ANKS1A: variants seen among roughly 807,000 people sequenced by gnomAD.
ANKS1A encodes ankyrin repeat and SAM domain-containing protein 1A.
ANKS1A carries 55 observed loss-of-function variants against 120.3 expected under a neutral mutation model. The observed-to-expected ratio is 0.46, with a 90% CI of 0.37 to 0.57. The LOEUF (loss-of-function observed/expected upper bound fraction) is 0.57. ANKS1A is among the 20% of genes least tolerant of loss of function. ANKS1A has a pLI of 0.00. For synonymous variants in ANKS1A, 590 were observed against 604.7 expected (o/e 0.98, Z 0.36); for missense variants, 1,123 against 1,480.3 (o/e 0.76, Z 3.96).
intron 8 of ANKS1A, 143 bp from the exon 9 acceptor site, chr6:34,989,081 C>T (rs1772372512): frequency 8.0e-6 from 5 of 625,796 alleles, no homozygotes; most frequent in Non-Finnish European, 1.4e-5. Flanking sequence ...TCCATCTGTT[C>T]AGAGACGAAA....
At chr6:34,988,652 T>C (rs1156376280) in intron 8 of ANKS1A, among the ~76,000 whole-genome samples, 2 of 152,306 alleles carry the variant, frequency 1.3e-5, no homozygotes, top group South Asian at 2.1e-4. Context: ...ATAATACTTA[T>C]TATTGAAGGA....
chr6:35,000,197 A>G (rs994529715), intron 10 of ANKS1A, among the ~76,000 whole-genome samples: 6 of 151,344 alleles, frequency 4.0e-5, no homozygotes, highest in Non-Finnish European at 4.4e-5. Context: ...TAACCCAGTA[A>G]CCCGCAGATG....
At chr6:34,936,656 C>T (rs1056032816) in intron 1 of ANKS1A, among the ~76,000 whole-genome samples, 2 of 152,158 alleles carry the variant, frequency 1.3e-5, no homozygotes, top group African/African-American at 4.8e-5. Flanking sequence ...CTAATTCCTA[C>T]AAGAAGGCTC....
rs573962919 is a variant in ANKS1A at position 35,025,285 on chromosome 6, C to T, written c.2010+7226C>T. On this transcript the variant is annotated intron_variant, in intron 11 of 23. Coordinates refer to ENST00000360359, the MANE Select transcript of ANKS1A (RefSeq NM_015245.3). Reference sequence around the variant, plus strand: ...ACACACACACACGCATATATGTATGCGATGTGTGTGTGTGTGTGTATTTAT... The same window carrying T: ...ACACACACACACGCATATATGTATGTGATGTGTGTGTGTGTGTGTATTTAT... Among the ~76,000 whole-genome samples the T allele has an allele frequency of 9.3e-5, 14 of 150,228 alleles. No individual in the cohort carries two copies. In the East Asian group the frequency reaches 2.8e-3, roughly 30 times the overall value.
rs141031798 is a variant in ANKS1A, at chr6:34,903,959, G to C, written c.197+14360G>C. Among the ~76,000 whole-genome samples, 90 of 152,262 alleles carry C rather than the reference G, an allele frequency of 5.9e-4. No homozygotes were observed. The East Asian group carries it at 0.016, about 27-fold the overall frequency. On this transcript the variant is annotated intron_variant, in intron 1 of 23. Coordinates refer to ENST00000360359, the MANE Select transcript of ANKS1A (RefSeq NM_015245.3). ...TCTGCCTTGGCCTCCCAAGGTGCTGGGATTACAGCACTGGCTGAAGAACAT... is the reference window on the plus strand; with the variant it reads ...TCTGCCTTGGCCTCCCAAGGTGCTGCGATTACAGCACTGGCTGAAGAACAT...
intron 1 of ANKS1A, among the ~76,000 whole-genome samples, chr6:34,960,467 G>C (rs983400707): frequency 6.6e-6 from 1 of 152,154 alleles, no homozygotes. Context: ...GAGTACATGC[G>C]TGAGTAGCTC....
intron 9 of ANKS1A, among the ~76,000 whole-genome samples, chr6:34,991,439 C>T (rs1581606893): frequency 1.3e-5 from 2 of 151,674 alleles, no homozygotes; most frequent in African/African-American, 2.4e-5. Flanking sequence ...CTCCCACACC[C>T]CAACTGGACA....
chr6:35,022,251 CT>C (rs1228144855), intron 11 of ANKS1A, among the ~76,000 whole-genome samples: 1 of 152,210 alleles, frequency 6.6e-6, no homozygotes, highest in Non-Finnish European at 1.5e-5. Flanking sequence ...CTACAGCCTT[CT>C]CTACAATTTG....
rs924991705 is a variant in ANKS1A at position 35,086,959 on chromosome 6, C to T, written c.3311C>T (p.Pro1104Leu). 1 of 1,614,178 alleles carries T rather than the reference C, an allele frequency of 6.2e-7. No individual in the cohort carries two copies. The highest frequency in any genetic ancestry group is 8.5e-7 in the Non-Finnish European group (1 of 1,180,006). Reference protein sequence around the residue: ...RVGVRKSALEPPDMDQDAQSH... With the variant: ...RVGVRKSALELPDMDQDAQSH... ...TGCTTCCTTGTTTGGCAGCTGGAAC[C>T]ACCTGATATGGACCAAGATGCCCAA... The change falls in exon 23 of 24, where the codon CCA (proline) becomes CTA (leucine). Residue 1104 changes from proline to leucine, a missense_variant. Transcript: ENST00000360359. This position sits in a 1 kb window ranked among gnomAD's most constrained non-coding sequence, Gnocchi z 5.1.
At chr6:35,048,079 C>T (rs1277238175) in intron 11 of ANKS1A, among the ~76,000 whole-genome samples, 3 of 152,198 alleles carry the variant, frequency 2.0e-5, no homozygotes, top group African/African-American at 7.2e-5. Flanking sequence ...CCTTAGACCA[C>T]GCTCTGGAAG....
At chr6:35,081,223 C>T in intron 17 of ANKS1A, 65 bp downstream of exon 17, 2 of 1,490,228 alleles carry the variant, frequency 1.3e-6, no homozygotes, top group Admixed American at 2.1e-5. Flanking sequence ...GACAGGGCCT[C>T]CCAGAACCAC....
intron 13 of ANKS1A, among the ~76,000 whole-genome samples, chr6:35,076,281 G>A (rs1373510822): frequency 6.6e-6 from 1 of 152,126 alleles, no homozygotes; most frequent in Non-Finnish European, 1.5e-5. Flanking sequence ...AAATTAGCCA[G>A]GTGTGGTGGC....
At chr6:35,094,037 G>A (rs1277627124), downstream of ANKS1A, among the ~76,000 whole-genome samples, 3 of 152,202 alleles carry the variant, frequency 2.0e-5, no homozygotes, top group Non-Finnish European at 4.4e-5. Flanking sequence ...CACCCCAGCA[G>A]TAACAAGCAG....
intron 1 of ANKS1A, among the ~76,000 whole-genome samples, chr6:34,903,645 G>A (rs950198360): frequency 1.3e-5 from 2 of 152,006 alleles, no homozygotes; most frequent in African/African-American, 2.4e-5. Flanking sequence ...CTACAGGCAC[G>A]TGCCCTCATG....
intron 3 of ANKS1A, among the ~76,000 whole-genome samples, chr6:34,980,001 T>A (rs1289255634): frequency 1.3e-5 from 2 of 152,226 alleles, no homozygotes; most frequent in African/African-American, 4.8e-5. Flanking sequence ...TAAGTTTGCT[T>A]AGGAAACTCA....
In ANKS1A at chr6:35,060,125, C is replaced by A. The variant is rs749322354; in HGVS notation, c.2078-22C>A. 1.9e-5 allele frequency: 31 copies of A among 1,602,888 alleles called. No homozygotes were observed. The Admixed American group carries it at 4.2e-4, about 22-fold the overall frequency. On this transcript the variant is annotated intron_variant, in intron 12 of 23. Transcript: ENST00000360359. This position sits in a 1 kb window ranked among gnomAD's most constrained non-coding sequence, Gnocchi z 4.5. ...TAATGGTTTTTCCCTTTTCAAGCGT[C>A]TGCCGATTCCTCTCTCATCAGGTTT...
intron 1 of ANKS1A, among the ~76,000 whole-genome samples, chr6:34,936,257 G>A (rs1003244951): frequency 1.1e-4 from 17 of 152,036 alleles, no homozygotes; most frequent in African/African-American, 3.9e-4. Flanking sequence ...TCAGGCCAGG[G>A]CAGCAGCAGA....
intron 1 of ANKS1A, among the ~76,000 whole-genome samples, chr6:34,946,749 T>C (rs1421372059): frequency 6.6e-6 from 1 of 152,226 alleles, no homozygotes; most frequent in Non-Finnish European, 1.5e-5. Flanking sequence ...GTAATTGCTG[T>C]ACCTGCATAT....
intron 1 of ANKS1A, among the ~76,000 whole-genome samples, chr6:34,920,519 T>TCAG (rs1768382317): frequency 6.6e-6 from 1 of 152,160 alleles, no homozygotes; most frequent in Non-Finnish European, 1.5e-5. Context: ...CTGGATAGAC[T>TCAG]CAGCCTTCAT....
Sources: allele counts gnomAD v4.1 joint callset (sites outside exome capture counted in the v4.1 genomes callset), GRCh38; gene constraint gnomAD v4.1.1; non-coding constraint Gnocchi (gnomAD v3.1); transcripts MANE v1.5; gene names NCBI Gene and HGNC (gene_info 2026-07-23, HGNC 2026-07-21).